The following HERC3 variants were observed in gnomAD, a reference collection of about 807,000 sequenced individuals.
HERC3 encodes HECT and RLD domain containing E3 ubiquitin protein ligase 3.
In HERC3, 58 loss-of-function variants were observed where a neutral mutation model predicts 129.9. The observed-to-expected ratio is 0.45, with a 90% CI of 0.36 to 0.56. HERC3 has a LOEUF of 0.56. Ranked by LOEUF, HERC3 falls within the 20% of genes least tolerant of loss-of-function variation. The probability of loss-of-function intolerance (pLI) is 0.00; values close to 1 mark genes in which losing one functional copy is unlikely to be tolerated. For synonymous variants in HERC3, 430 were observed against 451.0 expected, an observed-to-expected ratio of 0.95 and a Z score of 0.59; for missense variants, 835 against 1,244.2, an observed-to-expected ratio of 0.67 and a Z score of 4.95.
At chr4:88,595,909 C>T (rs1043223674) in intron 2 of HERC3, among the ~76,000 whole-genome samples, 2 of 126,126 alleles carry the variant, frequency 1.6e-5, no homozygotes, top group Non-Finnish European at 3.1e-5. Flanking sequence ...AGTGCAGTGG[C>T]GGGATCTCGG....
chr4:88,531,621 C>T, the HERC3 span, among the ~76,000 whole-genome samples: 6 of 152,322 alleles, frequency 3.9e-5, no homozygotes, highest in South Asian at 1.2e-3. Context: ...TCTCTCAACC[C>T]TCCTATTTGA....
intron 3 of HERC3, among the ~76,000 whole-genome samples, chr4:88,620,317 A>G (rs951919351): frequency 1.3e-5 from 2 of 152,210 alleles, no homozygotes; most frequent in Admixed American, 6.5e-5. Flanking sequence ...TTGGATATGT[A>G]ATTGCTACCT....
At chr4:88,535,807 A>C in the HERC3 span, among the ~76,000 whole-genome samples, 1 of 152,206 alleles carries the variant, frequency 6.6e-6, no homozygotes, top group African/African-American at 2.4e-5. Context: ...TTGGCACTTA[A>C]GTTTCCAATA....
chr4:88,660,268 C>T (rs1352670612), intron 10 of HERC3, among the ~76,000 whole-genome samples: 1 of 151,344 alleles, frequency 6.6e-6, no homozygotes, highest in African/African-American at 2.4e-5. Context: ...ATGGCGTGAT[C>T]CCGGCTCACT....
At chr4:88,558,360 T>C in the HERC3 span, among the ~76,000 whole-genome samples, 2 of 152,150 alleles carry the variant, frequency 1.3e-5, no homozygotes, top group African/African-American at 4.8e-5. Flanking sequence ...GCATCTTGGA[T>C]GGAGACGGAG....
chr4:88,692,871 T>C, intron 23 of HERC3: 2 of 985,192 alleles, frequency 2.0e-6, no homozygotes, highest in Non-Finnish European at 2.4e-6. Context: ...AGGCTGGGGC[T>C]CAAGAGTTCC....
At chr4:88,693,697 T>C (rs1734305847) in intron 23 of HERC3, 15 of 984,438 alleles carry the variant, frequency 1.5e-5, no homozygotes, top group Middle Eastern at 1.0e-3. Context: ...TGTGTATGCA[T>C]TGAGTGTACA....
At chr4:88,694,081 C>G (rs1734348229) in intron 23 of HERC3, among the ~76,000 whole-genome samples, 1 of 152,170 alleles carries the variant, frequency 6.6e-6, no homozygotes, top group Non-Finnish European at 1.5e-5. Flanking sequence ...ATTCTCTAAG[C>G]TAGAAAACCC....
At chr4:88,690,565 G>C (rs1322378293) in intron 23 of HERC3, 1 of 985,084 alleles carries the variant, frequency 1.0e-6, no homozygotes, top group East Asian at 1.1e-4. Flanking sequence ...CCTCTGCTGA[G>C]TCATCATAGT....
At chr4:88,679,809 C>G in intron 19 of HERC3, among the ~76,000 whole-genome samples, 1 of 152,242 alleles carries the variant, frequency 6.6e-6, no homozygotes, top group East Asian at 1.9e-4. Context: ...TGAGCCACCA[C>G]GCCCAGCCAA....
intron 3 of HERC3, among the ~76,000 whole-genome samples, chr4:88,619,647 G>C (rs1159439704): frequency 6.6e-6 from 1 of 152,182 alleles, no homozygotes; most frequent in Non-Finnish European, 1.5e-5. Flanking sequence ...GTGGCGTAAG[G>C]CATCCCATAA....
At chr4:88,579,030 G>A in the HERC3 span, among the ~76,000 whole-genome samples, 125 of 152,154 alleles carry the variant, frequency 8.2e-4, no homozygotes, top group Non-Finnish European at 1.2e-3. Flanking sequence ...GGCAAGAAGC[G>A]GGTATGATCT....
At chr4:88,682,557 G>T in intron 21 of HERC3, among the ~76,000 whole-genome samples, 2 of 144,056 alleles carry the variant, frequency 1.4e-5, no homozygotes, top group African/African-American at 2.6e-5. Flanking sequence ...CCACCTATGA[G>T]TGAGAACATG....
chr4:88,692,241 C>A (rs1734143659), intron 23 of HERC3, among the ~76,000 whole-genome samples: 1 of 150,996 alleles, frequency 6.6e-6, no homozygotes, highest in Non-Finnish European at 1.5e-5. Flanking sequence ...ACCCATATGT[C>A]ATTCTAGATT....
chr4:88,658,533 T>C (rs1474613943), intron 10 of HERC3, 42 bp downstream of exon 10: 10 of 1,000,264 alleles, frequency 1.0e-5, no homozygotes, highest in Admixed American at 3.9e-5. Flanking sequence ...GAAGGAATAA[T>C]AGTGAACCAA....
chr4:88,625,162 G>C (rs527721936), intron 3 of HERC3, among the ~76,000 whole-genome samples: 1 of 152,122 alleles, frequency 6.6e-6, no homozygotes, highest in Admixed American at 6.5e-5. Flanking sequence ...TTATTTTTCA[G>C]AATTTTTTTT....
chr4:88,545,718 G>A, the HERC3 span, among the ~76,000 whole-genome samples: 10 of 152,062 alleles, frequency 6.6e-5, no homozygotes, highest in African/African-American at 2.4e-4. Context: ...GCACCACCAT[G>A]CCTGGTTTCA....
intron 2 of HERC3, among the ~76,000 whole-genome samples, chr4:88,602,632 C>T (rs533758383): frequency 1.9e-4 from 29 of 152,024 alleles, no homozygotes; most frequent in African/African-American, 6.3e-4. Context: ...TGTGTCCTAC[C>T]ACACTTGGCT....
chr4:88,544,977 C>G, the HERC3 span, among the ~76,000 whole-genome samples: 1 of 152,126 alleles, frequency 6.6e-6, no homozygotes, highest in East Asian at 1.9e-4. Context: ...GTGCAGCAAA[C>G]CAACATGGCG....
Sources: allele counts gnomAD v4.1 joint callset (sites outside exome capture counted in the v4.1 genomes callset), GRCh38; gene constraint gnomAD v4.1.1; transcripts MANE v1.5; gene names NCBI Gene and HGNC (gene_info 2026-07-23, HGNC 2026-07-21).